SHLD2: variants seen among roughly 807,000 people sequenced by gnomAD.
SHLD2 encodes shieldin complex subunit 2, also known as RINN1-REV7-interacting novel NHEJ regulator 2.
SHLD2 carries 30 observed loss-of-function variants against 73.2 expected under a neutral mutation model. That is an observed-to-expected ratio of 0.41 (90% CI 0.31 to 0.56). The LOEUF is 0.56. Among genes scored for constraint, SHLD2 ranks in the 20% least tolerant of loss-of-function variants. The pLI, the probability that SHLD2 is intolerant of heterozygous loss-of-function variation, is 0.28. For missense variants in SHLD2, 745 were observed against 1,055.9 expected (o/e 0.71, Z 4.08); for synonymous variants, 285 against 370.1 (o/e 0.77, Z 2.64).
At chr10:87,130,286 G>GCA (rs1564588523) in intron 2 of SHLD2, among the ~76,000 whole-genome samples, 2 of 129,704 alleles carry the variant, frequency 1.5e-5, no homozygotes, top group Admixed American at 1.7e-4. Context: ...TTCTGAAAAG[G>GCA]GAGAGGTCTT....
At chr10:87,120,999 G>A (rs986525075) in intron 2 of SHLD2, among the ~76,000 whole-genome samples, 8 of 152,022 alleles carry the variant, frequency 5.3e-5, no homozygotes, top group African/African-American at 1.2e-4. Context: ...GCGGTGAGCC[G>A]ACATTGCGCC....
At chr10:87,118,211 G>C (rs1307553892) in intron 2 of SHLD2, among the ~76,000 whole-genome samples, 1 of 152,112 alleles carries the variant, frequency 6.6e-6, no homozygotes, top group East Asian at 1.9e-4. Context: ...AACCAGTATG[G>C]AAACAGGCTT....
intron 4 of SHLD2, 103 bp from the exon 5 acceptor site, chr10:87,170,375 A>C: frequency 1.3e-6 from 1 of 773,634 alleles, no homozygotes; most frequent in Non-Finnish European, 2.0e-6. Context: ...TTTTATATCT[A>C]ATCATACTTT....
chr10:87,112,764 A>T (rs1465970401), intron 2 of SHLD2, among the ~76,000 whole-genome samples: 3 of 151,350 alleles, frequency 2.0e-5, no homozygotes, highest in Non-Finnish European at 2.9e-5. Flanking sequence ...GTTGGTGAGG[A>T]TGTGGAGAAA....
At chr10:87,179,679 G>A (rs1236853854) in intron 7 of SHLD2, among the ~76,000 whole-genome samples, 5 of 152,208 alleles carry the variant, frequency 3.3e-5, no homozygotes, top group South Asian at 4.1e-4. Context: ...GGGATTACAG[G>A]CGTGAGCCAC....
intron 5 of SHLD2, 64 bp from the exon 6 acceptor site, chr10:87,170,776 A>G (rs1299832673): frequency 2.5e-6 from 4 of 1,611,772 alleles, no homozygotes; most frequent in South Asian, 1.1e-5. Flanking sequence ...ATCATCAGCT[A>G]TTAAAGTATG....
chr10:87,185,993 G>A (rs1848595675), intron 8 of SHLD2, among the ~76,000 whole-genome samples: 1 of 152,120 alleles, frequency 6.6e-6, no homozygotes, highest in African/African-American at 2.4e-5. Flanking sequence ...ACAGGCATGA[G>A]CCACCGCGCA....
At chr10:87,180,472 C>T (rs1234834597) in intron 8 of SHLD2, among the ~76,000 whole-genome samples, 169 bp downstream of exon 8, 2 of 152,122 alleles carry the variant, frequency 1.3e-5, no homozygotes, top group African/African-American at 2.4e-5. Context: ...ACCCAGGAAT[C>T]GTTATAGGAA....
chr10:87,181,049 C>G (rs867545384), intron 8 of SHLD2, among the ~76,000 whole-genome samples: 2 of 151,626 alleles, frequency 1.3e-5, no homozygotes, highest in African/African-American at 4.9e-5. Flanking sequence ...TTTGCTATTA[C>G]TGTGAAAGTT....
intron 2 of SHLD2, among the ~76,000 whole-genome samples, chr10:87,097,858 C>G (rs185151129): frequency 9.5e-4 from 144 of 152,082 alleles, no homozygotes; most frequent in African/African-American, 3.4e-3. Context: ...CTCCCAGGTT[C>G]CAGTGATTCT....
intron 2 of SHLD2, among the ~76,000 whole-genome samples, chr10:87,124,145 CAGG>C (rs1158239599): frequency 6.6e-6 from 1 of 152,088 alleles, no homozygotes; most frequent in Non-Finnish European, 1.5e-5. Flanking sequence ...TTTAAAGTGA[CAGG>C]AGTAGATATA....
chr10:87,137,538 AGG>A (rs1007305533), intron 2 of SHLD2, among the ~76,000 whole-genome samples: 1 of 152,110 alleles, frequency 6.6e-6, no homozygotes, highest in Non-Finnish European at 1.5e-5. Flanking sequence ...AAAGTCAGGG[AGG>A]GGTAGAAAAG....
intron 8 of SHLD2, among the ~76,000 whole-genome samples, chr10:87,186,163 G>A (rs1190738083): frequency 1.3e-5 from 2 of 152,138 alleles, no homozygotes; most frequent in African/African-American, 2.4e-5. Flanking sequence ...AGAGGCTGAG[G>A]AAAGAGTGTA....
intron 2 of SHLD2, among the ~76,000 whole-genome samples, chr10:87,148,882 C>CTT (rs568650093): frequency 1.9e-4 from 26 of 139,254 alleles, no homozygotes; most frequent in Non-Finnish European, 2.0e-4. Context: ...TTCCCACCAA[C>CTT]TTTTTTTTTT....
chr10:87,124,748 T>G (rs1254642038), intron 2 of SHLD2, among the ~76,000 whole-genome samples: 1 of 69,612 alleles, frequency 1.4e-5, no homozygotes, highest in Non-Finnish European at 2.8e-5. Flanking sequence ...AAAAAATTGT[T>G]TTTTTTTTTT....
At chr10:87,109,897 A>G (rs1270528015) in intron 2 of SHLD2, among the ~76,000 whole-genome samples, 1 of 152,208 alleles carries the variant, frequency 6.6e-6, no homozygotes, top group African/African-American at 2.4e-5. Flanking sequence ...GATTAATTTT[A>G]TATACACACA....
chr10:87,180,840 A>T (rs181093828), intron 8 of SHLD2, among the ~76,000 whole-genome samples: 75 of 152,308 alleles, frequency 4.9e-4, no homozygotes, highest in African/African-American at 1.7e-3. Flanking sequence ...TTACCTCATA[A>T]ATTACATGTG....
chr10:87,114,648 T>C (rs2134027619), intron 2 of SHLD2, among the ~76,000 whole-genome samples: 1 of 151,900 alleles, frequency 6.6e-6, no homozygotes, highest in Admixed American at 6.6e-5. Context: ...TCACTTGAAC[T>C]CGGGAGGTGG....
At chr10:87,188,924 C>A (rs1326313205) in intron 9 of SHLD2, among the ~76,000 whole-genome samples, 14 of 151,184 alleles carry the variant, frequency 9.3e-5, no homozygotes, top group Non-Finnish European at 2.1e-4. Context: ...CCCCCATTTT[C>A]TTTATTTCAT....
Sources: allele counts gnomAD v4.1 joint callset (sites outside exome capture counted in the v4.1 genomes callset), GRCh38; gene constraint gnomAD v4.1.1; transcripts MANE v1.5; gene names NCBI Gene and HGNC (gene_info 2026-07-23, HGNC 2026-07-21).